Variants in AGTPBP1 observed in about 807,000 individuals in gnomAD.
AGTPBP1 encodes cytosolic carboxypeptidase 1.
A neutral mutation model predicts 143.9 loss-of-function variants in AGTPBP1; 70 were observed. That is an observed-to-expected ratio of 0.49 (90% confidence interval 0.40 to 0.59). The LOEUF (loss-of-function observed/expected upper bound fraction) is 0.59. Ranked by LOEUF, AGTPBP1 falls within the 20% of genes least tolerant of loss-of-function variation. The pLI is 0.00. For synonymous variants in AGTPBP1, 463 were observed against 500.2 expected (o/e 0.93, Z 0.99); for missense variants, 1,229 against 1,464.5 (o/e 0.84, Z 2.62).
upstream of AGTPBP1, among the ~76,000 whole-genome samples, chr9:85,745,142 T>C (rs1756147425): frequency 6.6e-6 from 1 of 152,248 alleles, no homozygotes; most frequent in African/African-American, 2.4e-5. Flanking sequence ...AGCCCAGCTA[T>C]CTCTTTCTCC....
Position 85,646,410 on chromosome 9 carries a change from C to T in AGTPBP1, c.1096G>A (p.Val366Ile), listed in dbSNP as rs201841879. 22 of 1,611,768 alleles carry T rather than the reference C, an allele frequency of 1.4e-5. No homozygotes were observed. The highest frequency in any genetic ancestry group is 1.3e-5 in the African/African-American group (1 of 74,838). Residue 366 changes from valine to isoleucine, a missense_variant, in exon 12 of 26, where the codon GTA (valine) becomes ATA (isoleucine). By Grantham distance (29) the Val-to-Ile change is conservative (BLOSUM62 3). Transcript: ENST00000357081. ...LYSLPPEVDDVVDESDDNDDI... is the reference protein window; with the variant it reads ...LYSLPPEVDDIVDESDDNDDI... Reference sequence around the variant, plus strand: ...TCGTTGTCATCACTTTCATCTACTACGTCATCCACTATGATACAAAATGTG... The same window carrying T: ...TCGTTGTCATCACTTTCATCTACTATGTCATCCACTATGATACAAAATGTG...
chr9:85,603,732 C>G (rs1479689699), intron 17 of AGTPBP1, among the ~76,000 whole-genome samples: 2 of 152,140 alleles, frequency 1.3e-5, no homozygotes, highest in African/African-American at 4.8e-5. Context: ...CGGGACCTGC[C>G]CCAGGCCAGA....
chr9:85,552,615 A>G lies in AGTPBP1; in HGVS notation c.3504-5329T>C, dbSNP rs150869643. Among the ~76,000 whole-genome samples, 960 of 152,342 alleles carry G rather than the reference A, an allele frequency of 6.3e-3. 10 individuals carry two copies. The highest frequency in any genetic ancestry group is 0.022 in the African/African-American group (896 of 41,582). ...CTCAGTGTAAAGCAGAGATAACAAT[A>G]TCAGTCTCACCCATCTCACAAAGTT... On this transcript the variant is annotated intron_variant, in intron 25 of 25. Transcript: ENST00000357081.
At chr9:85,684,069 A>G (rs999769999) in intron 3 of AGTPBP1, among the ~76,000 whole-genome samples, 20 of 152,000 alleles carry the variant, frequency 1.3e-4, no homozygotes, top group African/African-American at 4.8e-4. Flanking sequence ...ATGAATTCCA[A>G]CCTCACTTGG....
rs778733236 is a variant in AGTPBP1, at chr9:85,669,521, A to G, written c.626T>C (p.Ile209Thr). The change falls in exon 8 of 26, where the codon ATT becomes ACT. Residue 209 changes from isoleucine (I) to threonine (T), a missense_variant. Ile to Thr is a moderately conservative substitution (Grantham distance 89, BLOSUM62 -1). Around this residue, in one of 2 missense-constraint regions of AGTPBP1, gnomAD observed 743 missense variants for 812.2 expected, o/e 0.91. Coordinates refer to ENST00000357081, the MANE Select transcript of AGTPBP1 (RefSeq NM_001330701.2). ...GGAATTCTTCTTACTAAATGGTCCA[A>G]TGATTTTAAACATCAGTTCCACAAC... Reference protein sequence around the residue: ...NGVVELMFKIIGPFSKKNSSL... With the variant: ...NGVVELMFKITGPFSKKNSSL... 2.5e-6 allele frequency: 4 copies of G among 1,611,958 alleles called. No individual in the cohort carries two copies. The highest frequency in any genetic ancestry group is 2.2e-5 in the East Asian group (1 of 44,720).
At chr9:85,683,808 T>C (rs1835333779) in intron 3 of AGTPBP1, among the ~76,000 whole-genome samples, 1 of 152,182 alleles carries the variant, frequency 6.6e-6, no homozygotes, top group Non-Finnish European at 1.5e-5. Flanking sequence ...TCTATTCATC[T>C]TTCCTTTATA....
the AGTPBP1 span, among the ~76,000 whole-genome samples, chr9:85,783,380 C>G: frequency 6.6e-6 from 1 of 152,032 alleles, no homozygotes; most frequent in African/African-American, 2.4e-5. Context: ...AGTTATAATC[C>G]TACCCACATT....
At chr9:85,761,088 G>T in the AGTPBP1 span, among the ~76,000 whole-genome samples, 2 of 152,268 alleles carry the variant, frequency 1.3e-5, no homozygotes, top group East Asian at 1.9e-4. Context: ...ACCTCTTCAA[G>T]GAGAACTACA....
At chr9:85,733,279 GC>G (rs1839009577) in intron 1 of AGTPBP1, among the ~76,000 whole-genome samples, 1 of 152,284 alleles carries the variant, frequency 6.6e-6, no homozygotes, top group Non-Finnish European at 1.5e-5. Context: ...TACAAAGTGT[GC>G]TCTCCAACCT....
chr9:85,608,626 T>A (rs1462121198), intron 17 of AGTPBP1, among the ~76,000 whole-genome samples: 1 of 149,464 alleles, frequency 6.7e-6, no homozygotes, highest in South Asian at 2.1e-4. Context: ...AGCAAAGATA[T>A]CTTCTTTGCT....
At chr9:85,578,388 A>ACTG (rs1828027388) in intron 24 of AGTPBP1, among the ~76,000 whole-genome samples, 3 of 152,198 alleles carry the variant, frequency 2.0e-5, no homozygotes, top group Admixed American at 2.0e-4. Context: ...AGGCAGGAGG[A>ACTG]CTGCTTGAGG....
intron 17 of AGTPBP1, among the ~76,000 whole-genome samples, chr9:85,601,908 A>G (rs1829697174): frequency 6.6e-6 from 1 of 152,196 alleles, no homozygotes; most frequent in Admixed American, 6.5e-5. Context: ...GCCAGTGAAG[A>G]AATTACAGGG....
intron 2 of AGTPBP1, among the ~76,000 whole-genome samples, chr9:85,701,836 G>A (rs191449935): frequency 6.6e-6 from 1 of 152,178 alleles, no homozygotes; most frequent in Non-Finnish European, 1.5e-5. Context: ...TTTGGGAACT[G>A]TTTCACCTGT....
At chr9:85,643,413 T>C (rs1321641411) in intron 12 of AGTPBP1, among the ~76,000 whole-genome samples, 1 of 152,154 alleles carries the variant, frequency 6.6e-6, no homozygotes, top group African/African-American at 2.4e-5. Flanking sequence ...AGTTAAGCCA[T>C]TTGCTGAAAA....
chr9:85,760,979 CA>C, the AGTPBP1 span, among the ~76,000 whole-genome samples: 1 of 152,108 alleles, frequency 6.6e-6, no homozygotes, highest in African/African-American at 2.4e-5. Context: ...CAATAACAGA[CA>C]AACAGAGAGC....
the AGTPBP1 span, among the ~76,000 whole-genome samples, chr9:85,775,995 C>G: frequency 6.6e-6 from 1 of 152,274 alleles, no homozygotes; most frequent in Non-Finnish European, 1.5e-5. Flanking sequence ...ACAAGTCCAT[C>G]CCTTGTCAAC....
In AGTPBP1 at chr9:85,696,174, C is replaced by G. The variant is rs529568072; in HGVS notation, c.33-3361G>C. 4.1e-4 allele frequency among the ~76,000 whole-genome samples: 62 copies of G among 152,186 alleles called. 1 individual carries two copies. The Middle Eastern group carries it at 0.01, about 25-fold the overall frequency. On this transcript the variant is annotated intron_variant, in intron 2 of 25. Coordinates refer to ENST00000357081, the MANE Select transcript of AGTPBP1 (RefSeq NM_001330701.2). ...GACATTCTCTTTTCATGGAGATAAG[C>G]AAAGTGAGCCTGTCACTTCAAAGGA...
intron 11 of AGTPBP1, among the ~76,000 whole-genome samples, chr9:85,653,620 T>G (rs1346930003): frequency 6.6e-6 from 1 of 152,182 alleles, no homozygotes; most frequent in Non-Finnish European, 1.5e-5. Flanking sequence ...CATAATCCTA[T>G]GTTGATGTAG....
At chr9:85,750,662 C>T in the AGTPBP1 span, among the ~76,000 whole-genome samples, 1 of 152,138 alleles carries the variant, frequency 6.6e-6, no homozygotes, top group African/African-American at 2.4e-5. Flanking sequence ...TATCCTATGC[C>T]TTGGAGTTGA....
Sources: allele counts gnomAD v4.1 joint callset (sites outside exome capture counted in the v4.1 genomes callset), GRCh38; gene constraint gnomAD v4.1.1; regional missense constraint gnomAD v4.1.1; transcripts MANE v1.5; gene names NCBI Gene and HGNC (gene_info 2026-07-23, HGNC 2026-07-21).